CDH12: variants seen among roughly 807,000 people sequenced by gnomAD.
CDH12 encodes the protein cadherin 12, also known as cadherin-12.
CDH12 carries 41 observed loss-of-function variants against 74.1 expected under a neutral mutation model. The observed-to-expected ratio is 0.55, with a 90% CI of 0.43 to 0.72. The LOEUF (loss-of-function observed/expected upper bound fraction) is 0.72, where lower values mean the gene tolerates loss of function less well. Ranked by LOEUF, CDH12 falls within the 30% of genes least tolerant of loss-of-function variation. The pLI is 0.00. For missense variants in CDH12, 945 were observed against 977.2 expected (o/e 0.97, Z 0.44); for synonymous variants, 399 against 355.0 (o/e 1.12, Z -1.39).
chr5:21,970,838 T>TCAAAAAAAAAAAAAAAAAAAAAAAAA, intron 6 of CDH12, among the ~76,000 whole-genome samples: 1 of 16,272 alleles, frequency 6.1e-5, no homozygotes, highest in Non-Finnish European at 1.2e-4. Context: ...AGACTCTTTC[T>TCAAAAAAAAAAAAAAAAAAAAAAAAA]CAAAAAAAAA....
intron 4 of CDH12, among the ~76,000 whole-genome samples, chr5:22,106,767 T>C (rs1744468604): frequency 6.6e-6 from 1 of 152,214 alleles, no homozygotes; most frequent in Non-Finnish European, 1.5e-5. Flanking sequence ...TTACTCTGTA[T>C]CCATCAAGTA....
At chr5:22,360,096 G>A (rs1378958831) in intron 3 of CDH12, among the ~76,000 whole-genome samples, 13 of 152,102 alleles carry the variant, frequency 8.5e-5, no homozygotes, top group Non-Finnish European at 1.5e-5. Context: ...AGAACTGAAG[G>A]AGATAGAGAC....
chr5:22,500,307 G>A (rs1450474915), intron 2 of CDH12, among the ~76,000 whole-genome samples: 1 of 152,150 alleles, frequency 6.6e-6, no homozygotes, highest in Non-Finnish European at 1.5e-5. Context: ...GAGAGAGCCA[G>A]CTGTCTCTAT....
intron 1 of CDH12, among the ~76,000 whole-genome samples, chr5:22,516,856 A>G (rs1474478908): frequency 1.3e-5 from 2 of 152,146 alleles, no homozygotes; most frequent in Non-Finnish European, 2.9e-5. Flanking sequence ...AAAAATGAAA[A>G]AAGAAAAACA....
intron 1 of CDH12, among the ~76,000 whole-genome samples, chr5:22,675,925 T>C (rs1239660501): frequency 2.7e-5 from 3 of 113,180 alleles, no homozygotes; most frequent in Non-Finnish European, 3.8e-5. Context: ...GAAACTGAAG[T>C]ATTTTAATTT....
chr5:22,323,511 G>A (rs1000510898), intron 3 of CDH12, among the ~76,000 whole-genome samples: 1 of 152,048 alleles, frequency 6.6e-6, no homozygotes, highest in African/African-American at 2.4e-5. Flanking sequence ...ATTTCTAATA[G>A]AAGATTATAT....
intron 7 of CDH12, among the ~76,000 whole-genome samples, chr5:21,843,292 T>C (rs753610285): frequency 2.0e-5 from 3 of 152,108 alleles, no homozygotes; most frequent in Non-Finnish European, 4.4e-5. Context: ...AAATAACAAA[T>C]ATAATATCAA....
Position 22,505,259 on chromosome 5 carries a change from T to G in CDH12, c.-428+11A>C. ...AAAAGCATATATCTTGATAAGATTTTTTTTACCTACCTTTAAAAAGGCTGG... is the reference window on the plus strand; with the variant it reads ...AAAAGCATATATCTTGATAAGATTTGTTTTACCTACCTTTAAAAAGGCTGG... On this transcript the variant is annotated intron_variant, in intron 2 of 14. Coordinates refer to ENST00000382254, the MANE Select transcript of CDH12 (RefSeq NM_004061.5). The G allele has an allele frequency of 2.1e-6, 2 of 940,206 alleles. No homozygotes were observed. Among genetic ancestry groups the G allele is most frequent in the Middle Eastern group, 5.5e-4 (1 of 1,832 alleles). The allele number at this position is 940,206 out of a possible 1,614,324, so 58.2% of individuals were successfully genotyped here. A position where few individuals can be genotyped will look rare whatever the true frequency, so the allele number is the denominator to read the frequency against.
chr5:22,552,703 AG>A (rs1738627780), intron 1 of CDH12, among the ~76,000 whole-genome samples: 1 of 152,168 alleles, frequency 6.6e-6, no homozygotes, highest in Non-Finnish European at 1.5e-5. Context: ...CTGGGATTAC[AG>A]GTGTGAGACA....
At chr5:22,299,673 G>T (rs1737784277) in intron 3 of CDH12, among the ~76,000 whole-genome samples, 1 of 152,092 alleles carries the variant, frequency 6.6e-6, no homozygotes, top group Non-Finnish European at 1.5e-5. Context: ...CTAAATTTCT[G>T]TAACTTTATG....
In CDH12 at chr5:22,709,447, GCAAT is replaced by G. The variant is rs1156536671; in HGVS notation, c.-523+143607_-523+143610del. On this transcript the variant is annotated intron_variant, in intron 1 of 14. Transcript: ENST00000382254. ...TAACAACTCATCTGTCAGCAATTTTGCAATCAAACAGAAAAATATATATATAATT... is the reference window on the plus strand; with the variant it reads ...TAACAACTCATCTGTCAGCAATTTTGCAAACAGAAAAATATATATATAATT... 1.5e-4 allele frequency among the ~76,000 whole-genome samples: 23 copies of G among 152,042 alleles called. 1 individual carries two copies.
At chr5:22,583,779 CT>C (rs1230566672) in intron 1 of CDH12, among the ~76,000 whole-genome samples, 2 of 152,030 alleles carry the variant, frequency 1.3e-5, no homozygotes, top group African/African-American at 2.4e-5. Context: ...TTTTCACAGG[CT>C]TTTTTCTTAA....
intron 6 of CDH12, among the ~76,000 whole-genome samples, chr5:21,932,958 CTTT>C (rs748983348): frequency 2.0e-5 from 3 of 150,022 alleles, no homozygotes; most frequent in Non-Finnish European, 4.4e-5. Flanking sequence ...CTCTCACTTT[CTTT>C]ATCATTGTAT....
chr5:22,439,055 A>G (rs978401423), intron 2 of CDH12, among the ~76,000 whole-genome samples: 3 of 151,918 alleles, frequency 2.0e-5, no homozygotes, highest in Non-Finnish European at 4.4e-5. Flanking sequence ...ATAAAGCACA[A>G]TGTAAATTGA....
chr5:22,040,910 A>C (rs1739527757), intron 5 of CDH12, among the ~76,000 whole-genome samples: 1 of 152,140 alleles, frequency 6.6e-6, no homozygotes, highest in Admixed American at 6.5e-5. Flanking sequence ...GAATACCCCA[A>C]GGCTGTTATA....
At chr5:22,664,683 G>C (rs999277869) in intron 1 of CDH12, among the ~76,000 whole-genome samples, 11 of 152,042 alleles carry the variant, frequency 7.2e-5, no homozygotes, top group Non-Finnish European at 1.0e-4. Context: ...TAAATTCTCT[G>C]TTAAACCATC....
intron 4 of CDH12, among the ~76,000 whole-genome samples, chr5:22,109,248 C>A (rs1288077053): frequency 6.6e-6 from 1 of 152,160 alleles, no homozygotes; most frequent in Non-Finnish European, 1.5e-5. Flanking sequence ...GAAATGAATT[C>A]TTTCACTGGA....
chr5:21,929,364 G>A (rs1754733235), intron 6 of CDH12, among the ~76,000 whole-genome samples: 2 of 151,504 alleles, frequency 1.3e-5, no homozygotes, highest in South Asian at 2.1e-4. Context: ...CAACTAGATG[G>A]TCCCTTCTGG....
chr5:22,624,190 C>G (rs540859312), intron 1 of CDH12, among the ~76,000 whole-genome samples: 88 of 152,246 alleles, frequency 5.8e-4, no homozygotes, highest in African/African-American at 2.1e-3. Context: ...AAATGTTAGA[C>G]CTAAAACCAT....
Sources: gnomAD v4.1 joint callset for allele counts (sites outside exome capture counted in the v4.1 genomes callset) on GRCh38, gnomAD v4.1.1 for gene constraint, MANE v1.5 for transcripts, NCBI Gene and HGNC (gene_info 2026-07-23, HGNC 2026-07-21) for gene names.